Variants in CARMIL1 observed in about 807,000 individuals in gnomAD.
The protein encoded by CARMIL1 is capping protein regulator and myosin 1 linker 1.
In CARMIL1, 90 loss-of-function variants were observed where a neutral mutation model predicts 177.1. That is an observed-to-expected ratio of 0.51 (90% CI 0.43 to 0.61). CARMIL1 has a LOEUF of 0.61. Ranked by LOEUF, CARMIL1 falls within the 20% of genes least tolerant of loss-of-function variation. The pLI is 0.00. For missense variants in CARMIL1, 1,380 were observed against 1,667.0 expected, an observed-to-expected ratio of 0.83 and a Z score of 3.00; for synonymous variants, 577 against 606.2, an observed-to-expected ratio of 0.95 and a Z score of 0.71.
intron 9 of CARMIL1, among the ~76,000 whole-genome samples, chr6:25,469,346 G>A (rs1191669123): frequency 1.3e-5 from 2 of 152,198 alleles, no homozygotes; most frequent in Non-Finnish European, 2.9e-5. Flanking sequence ...GGTTAATCCA[G>A]TTGGGTATTT....
intron 23 of CARMIL1, 102 bp downstream of exon 23, chr6:25,520,439 T>A (rs1437762218): frequency 1.0e-5 from 7 of 680,082 alleles, no homozygotes; most frequent in African/African-American, 5.4e-5. Flanking sequence ...GAAGTTTTTT[T>A]AAATTTTATT....
chr6:25,586,937 G>T (rs1332203920), intron 31 of CARMIL1, among the ~76,000 whole-genome samples: 1 of 150,718 alleles, frequency 6.6e-6, no homozygotes, highest in African/African-American at 2.5e-5. Flanking sequence ...ATCAGATAGA[G>T]ACCGTGGAGA....
chr6:25,471,604 T>G (rs1325484784), intron 10 of CARMIL1, among the ~76,000 whole-genome samples: 3 of 152,356 alleles, frequency 2.0e-5, no homozygotes, highest in Admixed American at 2.0e-4. Context: ...ATGCCTATTT[T>G]ATAGAATTAA....
intron 2 of CARMIL1, among the ~76,000 whole-genome samples, chr6:25,377,904 C>T (rs1490395472): frequency 6.6e-6 from 1 of 152,122 alleles, no homozygotes; most frequent in Non-Finnish European, 1.5e-5. Flanking sequence ...CTTATGTACC[C>T]AGGGGAAGTA....
intron 23 of CARMIL1, among the ~76,000 whole-genome samples, chr6:25,526,194 T>C (rs1369868447): frequency 1.4e-5 from 2 of 138,538 alleles, no homozygotes; most frequent in Admixed American, 7.2e-5. Flanking sequence ...AATAAATAAA[T>C]AAGCCAGGCG....
At chr6:25,323,042 C>T (rs1289032323) in intron 2 of CARMIL1, among the ~76,000 whole-genome samples, 1 of 152,122 alleles carries the variant, frequency 6.6e-6, no homozygotes, top group African/African-American at 2.4e-5. Context: ...CCTTTCCTCC[C>T]TATTCTTGGT....
chr6:25,579,925 T>C (rs1469312502), intron 29 of CARMIL1, among the ~76,000 whole-genome samples: 2 of 152,196 alleles, frequency 1.3e-5, no homozygotes, highest in African/African-American at 4.8e-5. Context: ...AAGCATTAGA[T>C]GAAAACCTAT....
At chr6:25,478,167 AT>A (rs1367055074) in intron 11 of CARMIL1, among the ~76,000 whole-genome samples, 1 of 151,792 alleles carries the variant, frequency 6.6e-6, no homozygotes, top group African/African-American at 2.4e-5. Flanking sequence ...GTACGCTCAT[AT>A]TTTTTCCCAG....
intron 2 of CARMIL1, among the ~76,000 whole-genome samples, chr6:25,337,003 A>G (rs941154452): frequency 3.9e-5 from 6 of 152,230 alleles, no homozygotes; most frequent in African/African-American, 1.4e-4. Context: ...ACAGCGTATC[A>G]ATTGAACATA....
At position 25,349,379 on chromosome 6, in the gene CARMIL1, C is replaced by A. The variant is rs530374582; in HGVS notation, c.138+64470C>A. On this transcript the variant is annotated intron_variant, in intron 2 of 36. Transcript: ENST00000329474. Reference sequence around the variant, plus strand: ...GGAATTGATTTCTTTTTCTTCTCATCAGTGTTATTAACCAAATGAAATGAC... The same window carrying A: ...GGAATTGATTTCTTTTTCTTCTCATAAGTGTTATTAACCAAATGAAATGAC... Among the ~76,000 whole-genome samples, 3 of 152,192 alleles carry A rather than the reference C, an allele frequency of 2.0e-5. No individual in the cohort carries two copies. The East Asian group carries it at 5.8e-4, about 29-fold the overall frequency.
In CARMIL1 at chr6:25,434,841, T is replaced by C. The variant is rs190731318; in HGVS notation, c.250-642T>C. 5.1e-3 allele frequency among the ~76,000 whole-genome samples: 771 copies of C among 152,284 alleles called. 11 individuals are homozygous for C. The highest frequency in any genetic ancestry group is 0.017 in the African/African-American group (725 of 41,562). On this transcript the variant is annotated intron_variant, in intron 4 of 36. Coordinates refer to ENST00000329474, the MANE Select transcript of CARMIL1 (RefSeq NM_017640.6). ...CTGGGATTACAGGCATGAGCCACTG[T>C]GCCCTGCCGATCGAAACTTTTAAAA... is the stretch of plus-strand genomic sequence containing the variant.
chr6:25,466,177 G>A (rs1216722525), intron 9 of CARMIL1, among the ~76,000 whole-genome samples: 1 of 152,146 alleles, frequency 6.6e-6, no homozygotes, highest in Non-Finnish European at 1.5e-5. Flanking sequence ...AATTTAAGAA[G>A]ATGAACAAAA....
intron 12 of CARMIL1, among the ~76,000 whole-genome samples, chr6:25,486,403 G>A (rs925271032): frequency 6.6e-6 from 1 of 152,048 alleles, no homozygotes. Flanking sequence ...TTGTCCAGGA[G>A]CATTTTGCTG....
At chr6:25,336,466 T>G (rs1786250330) in intron 2 of CARMIL1, among the ~76,000 whole-genome samples, 1 of 152,248 alleles carries the variant, frequency 6.6e-6, no homozygotes, top group Non-Finnish European at 1.5e-5. Flanking sequence ...TCAGGTTGCC[T>G]GGGTTCAAAC....
intron 24 of CARMIL1, among the ~76,000 whole-genome samples, chr6:25,536,529 A>T (rs955827370): frequency 1.3e-5 from 2 of 152,126 alleles, no homozygotes; most frequent in South Asian, 4.1e-4. Flanking sequence ...TTATACATAA[A>T]CTTTGGCATT....
intron 5 of CARMIL1, among the ~76,000 whole-genome samples, chr6:25,447,950 CTG>C (rs1288047412): frequency 1.3e-5 from 2 of 152,120 alleles, no homozygotes; most frequent in Non-Finnish European, 2.9e-5. Context: ...ACACACCCAC[CTG>C]GAAATCCTGC....
chr6:25,424,099 G>A (rs2039069), intron 3 of CARMIL1, among the ~76,000 whole-genome samples: 141,406 of 152,146 alleles, frequency 0.93, 65,793 homozygotes, highest in East Asian at 1. Context: ...CACTATTAAT[G>A]ATAACCTGGG....
chr6:25,421,221 A>G (rs999972481), intron 3 of CARMIL1, among the ~76,000 whole-genome samples: 5 of 152,246 alleles, frequency 3.3e-5, no homozygotes, highest in African/African-American at 1.2e-4. Flanking sequence ...TAGCTAAAAG[A>G]CAGACACTTC....
chr6:25,540,576 T>G (rs1295133192), intron 26 of CARMIL1, among the ~76,000 whole-genome samples: 1 of 151,996 alleles, frequency 6.6e-6, no homozygotes, highest in Non-Finnish European at 1.5e-5. Flanking sequence ...ATAGATTCAC[T>G]GAAAAAAAGG....
Sources: gnomAD v4.1 joint callset for allele counts (sites outside exome capture counted in the v4.1 genomes callset) on GRCh38, gnomAD v4.1.1 for gene constraint, MANE v1.5 for transcripts, NCBI Gene and HGNC (gene_info 2026-07-23, HGNC 2026-07-21) for gene names.